Variants in SLC24A4 observed in about 807,000 individuals in gnomAD.
The protein encoded by SLC24A4 is solute carrier family 24 member 4, also known as sodium/potassium/calcium exchanger 4.
A neutral mutation model predicts 79.0 loss-of-function variants in SLC24A4; 53 were observed. That is an observed-to-expected ratio of 0.67 (90% CI 0.54 to 0.84). The LOEUF (loss-of-function observed/expected upper bound fraction) is 0.84. SLC24A4 is among the 40% of genes least tolerant of loss of function. SLC24A4 has a pLI of 0.00. For synonymous variants in SLC24A4, 323 were observed against 323.8 expected (o/e 1.00, Z 0.03); for missense variants, 731 against 822.0 (o/e 0.89, Z 1.35).
rs888523874 is a variant in SLC24A4 at position 92,398,040 on chromosome 14, A to G, written c.242-35872A>G. Among the ~76,000 whole-genome samples the G allele has an allele frequency of 3.3e-5, 5 of 152,262 alleles. No individual in the cohort carries two copies. The highest frequency in any genetic ancestry group is 1.2e-4 in the African/African-American group (5 of 41,570). On this transcript the variant is annotated intron_variant, in intron 2 of 16. Coordinates refer to ENST00000532405, the MANE Select transcript of SLC24A4 (RefSeq NM_153646.4). The surrounding 1 kb of genome is among the most constrained non-coding windows in gnomAD (Gnocchi z 4.1). Reference sequence around the variant, plus strand: ...CTATGCCAGGCCCTGCGCACATGTGACCTTCTCTGTCATAGCCCTTTATCC... The same window carrying G: ...CTATGCCAGGCCCTGCGCACATGTGGCCTTCTCTGTCATAGCCCTTTATCC...
intron 2 of SLC24A4, among the ~76,000 whole-genome samples, chr14:92,330,377 A>G (rs1460248305): frequency 3.3e-5 from 5 of 152,254 alleles, no homozygotes; most frequent in African/African-American, 7.2e-5. Context: ...TTTTTGCTCA[A>G]TGATGTCTAT....
At chr14:92,325,346 G>A (rs79769520) in intron 1 of SLC24A4, among the ~76,000 whole-genome samples, 9,832 of 152,276 alleles carry the variant, frequency 0.065, 399 homozygotes, top group Middle Eastern at 0.13. Context: ...CACCACCTGG[G>A]AGCTTGTTAG....
intron 12 of SLC24A4, among the ~76,000 whole-genome samples, chr14:92,471,601 A>G (rs1004087449): frequency 2.0e-5 from 3 of 152,182 alleles, no homozygotes; most frequent in Non-Finnish European, 4.4e-5. Flanking sequence ...CCATAATACC[A>G]GGAGGTCTAG....
intron 2 of SLC24A4, among the ~76,000 whole-genome samples, chr14:92,347,376 A>G (rs1213347558): frequency 6.6e-6 from 1 of 152,226 alleles, no homozygotes; most frequent in Non-Finnish European, 1.5e-5. Flanking sequence ...AGAGTCGAAG[A>G]CACTGAAGAT....
intron 2 of SLC24A4, among the ~76,000 whole-genome samples, chr14:92,354,481 A>G (rs1479464529): frequency 2.0e-5 from 3 of 152,132 alleles, no homozygotes; most frequent in African/African-American, 7.2e-5. Context: ...TTTTGGGACC[A>G]CAGTGAAGAT....
At position 92,414,706 on chromosome 14, in the gene SLC24A4, C is replaced by T. The variant is rs115889893; in HGVS notation, c.242-19206C>T. On this transcript the variant is annotated intron_variant, in intron 2 of 16. Transcript: ENST00000532405. ...AGTGAGCTGTGATCGCACCACCACACTTCAGCTTGGGTGACAGAGCAAGAA... is the reference window on the plus strand; with the variant it reads ...AGTGAGCTGTGATCGCACCACCACATTTCAGCTTGGGTGACAGAGCAAGAA... Among the ~76,000 whole-genome samples the T allele has an allele frequency of 3.0e-3, 456 of 152,338 alleles. 1 individual carries two copies. Among genetic ancestry groups the T allele is most frequent in the African/African-American group, 0.01 (425 of 41,576 alleles).
chr14:92,475,907 T>C (rs1157705589), intron 12 of SLC24A4, among the ~76,000 whole-genome samples: 1 of 152,158 alleles, frequency 6.6e-6, no homozygotes, highest in Non-Finnish European at 1.5e-5. Context: ...CTGGATCTCA[T>C]CCAACAGTTG....
intron 11 of SLC24A4, among the ~76,000 whole-genome samples, chr14:92,454,483 C>T (rs1893338470): frequency 6.6e-6 from 1 of 152,210 alleles, no homozygotes; most frequent in Admixed American, 6.5e-5. Flanking sequence ...CATTTTCACT[C>T]TTGCTGTGTT....
intron 12 of SLC24A4, chr14:92,457,424 G>T (rs769142127): frequency 1.3e-5 from 2 of 152,698 alleles, no homozygotes; most frequent in Non-Finnish European, 2.9e-5. Context: ...CCTTTTCACT[G>T]TGACCTTCCC....
At chr14:92,414,093 T>A (rs1294989878) in intron 2 of SLC24A4, among the ~76,000 whole-genome samples, 1 of 152,034 alleles carries the variant, frequency 6.6e-6, no homozygotes, top group Non-Finnish European at 1.5e-5. Flanking sequence ...CAGGCATCAG[T>A]GTTCAGTGGG....
intron 2 of SLC24A4, among the ~76,000 whole-genome samples, chr14:92,362,377 G>A (rs536862581): frequency 9.2e-5 from 14 of 152,128 alleles, no homozygotes; most frequent in African/African-American, 2.4e-4. Context: ...CTCTCACCCC[G>A]CCCTTCCCAT....
At chr14:92,379,940 G>C (rs572975119) in intron 2 of SLC24A4, among the ~76,000 whole-genome samples, 1 of 152,206 alleles carries the variant, frequency 6.6e-6, no homozygotes. Flanking sequence ...TGTTGTCTTC[G>C]TGGCACTCAG....
At chr14:92,359,012 T>C (rs978941258) in intron 2 of SLC24A4, among the ~76,000 whole-genome samples, 3 of 152,076 alleles carry the variant, frequency 2.0e-5, no homozygotes, top group African/African-American at 7.2e-5. Flanking sequence ...ATCTCCATTA[T>C]CAGGTCTCCA....
intron 2 of SLC24A4, among the ~76,000 whole-genome samples, chr14:92,334,895 A>G (rs557874051): frequency 4.6e-5 from 7 of 152,070 alleles, no homozygotes; most frequent in Non-Finnish European, 1.0e-4. Flanking sequence ...CATCGTCATC[A>G]TCATCATCAT....
At chr14:92,366,803 T>C (rs565367811) in intron 2 of SLC24A4, among the ~76,000 whole-genome samples, 1 of 152,324 alleles carries the variant, frequency 6.6e-6, no homozygotes, top group East Asian at 1.9e-4. Flanking sequence ...AAGTGTTTTC[T>C]TTTTAGATTT....
chr14:92,420,281 A>G (rs1891204955), intron 2 of SLC24A4, among the ~76,000 whole-genome samples: 1 of 152,212 alleles, frequency 6.6e-6, no homozygotes, highest in Non-Finnish European at 1.5e-5. Flanking sequence ...GGAGCTAGAC[A>G]CTAGCCTGGC....
chr14:92,482,599 A>G, intron 12 of SLC24A4, 81 bp from the exon 13 acceptor site: 1 of 1,380,440 alleles, frequency 7.2e-7, no homozygotes, highest in Non-Finnish European at 9.8e-7. Context: ...TTGAAGACTA[A>G]ATCGACAGGT....
intron 2 of SLC24A4, among the ~76,000 whole-genome samples, chr14:92,379,112 C>T (rs1888677607): frequency 2.0e-5 from 3 of 152,068 alleles, no homozygotes; most frequent in Non-Finnish European, 4.4e-5. Context: ...CAAAATGATA[C>T]CTTGGAATGC....
chr14:92,326,421 G>GCA (rs1885138842), intron 2 of SLC24A4, among the ~76,000 whole-genome samples: 1 of 152,196 alleles, frequency 6.6e-6, no homozygotes, highest in Admixed American at 6.5e-5. Flanking sequence ...AGCTGCAGGG[G>GCA]TGGGACACTC....
Sources: allele counts gnomAD v4.1 joint callset (sites outside exome capture counted in the v4.1 genomes callset), GRCh38; gene constraint gnomAD v4.1.1; non-coding constraint Gnocchi (gnomAD v3.1); transcripts MANE v1.5; gene names NCBI Gene and HGNC (gene_info 2026-07-23, HGNC 2026-07-21).